Variants in BRINP3 observed in about 807,000 individuals in gnomAD.
The protein encoded by BRINP3 is BMP/retinoic acid-inducible neural-specific protein 3.
Under a neutral mutation model 71.0 loss-of-function variants are expected in BRINP3, and 19 were observed. That is an observed-to-expected ratio of 0.27 (90% CI 0.19 to 0.39). The LOEUF is 0.39. Ranked by LOEUF, BRINP3 falls within the 10% of genes least tolerant of loss-of-function variation. The pLI is 1.00. For synonymous variants in BRINP3, 380 were observed against 337.7 expected, an observed-to-expected ratio of 1.13 and a Z score of -1.37; for missense variants, 959 against 940.8, an observed-to-expected ratio of 1.02 and a Z score of -0.25.
At chr1:190,116,894 G>A (rs1653181864) in intron 7 of BRINP3, among the ~76,000 whole-genome samples, 1 of 151,944 alleles carries the variant, frequency 6.6e-6, no homozygotes, top group South Asian at 2.1e-4. Context: ...TTACATCACT[G>A]TCAAATACAG....
intron 2 of BRINP3, among the ~76,000 whole-genome samples, chr1:190,330,184 C>T (rs1666873225): frequency 1.3e-5 from 2 of 151,882 alleles, no homozygotes; most frequent in African/African-American, 2.4e-5. Flanking sequence ...AAACGATCAA[C>T]AGAATAAATA....
At chr1:190,409,998 T>G (rs1672559332) in intron 2 of BRINP3, among the ~76,000 whole-genome samples, 1 of 152,142 alleles carries the variant, frequency 6.6e-6, no homozygotes, top group African/African-American at 2.4e-5. Flanking sequence ...CTTTTTTTAT[T>G]TCTTTTTCCT....
intron 6 of BRINP3, among the ~76,000 whole-genome samples, chr1:190,206,012 A>G (rs1252923921): frequency 3.3e-5 from 5 of 152,046 alleles, no homozygotes. Flanking sequence ...GAATGTTACC[A>G]GGCTTAAAAA....
intron 2 of BRINP3, among the ~76,000 whole-genome samples, chr1:190,434,038 A>G (rs1674285146): frequency 6.6e-6 from 1 of 152,216 alleles, no homozygotes; most frequent in African/African-American, 2.4e-5. Context: ...TAATATTGAC[A>G]GAGTAAAATA....
intron 7 of BRINP3, among the ~76,000 whole-genome samples, chr1:190,128,560 A>G (rs1654273732): frequency 6.6e-6 from 1 of 151,752 alleles, no homozygotes; most frequent in South Asian, 2.1e-4. Flanking sequence ...TTGATCTAGA[A>G]TTTAATTTCT....
At chr1:190,404,509 T>C (rs960334242) in intron 2 of BRINP3, among the ~76,000 whole-genome samples, 1 of 152,162 alleles carries the variant, frequency 6.6e-6, no homozygotes, top group Non-Finnish European at 1.5e-5. Flanking sequence ...CCTAAAAGTG[T>C]TTTAATATTT....
At chr1:190,361,651 C>G (rs888112789) in intron 2 of BRINP3, among the ~76,000 whole-genome samples, 24 of 152,092 alleles carry the variant, frequency 1.6e-4, no homozygotes, top group Non-Finnish European at 1.5e-5. Flanking sequence ...ATCCGCCCAC[C>G]TTGGCCTCCC....
At chr1:190,130,955 C>A (rs1654491968) in intron 7 of BRINP3, among the ~76,000 whole-genome samples, 1 of 151,890 alleles carries the variant, frequency 6.6e-6, no homozygotes, top group African/African-American at 2.4e-5. Context: ...CAAGTTCTCA[C>A]ACCAGTATAA....
chr1:190,281,598 T>C lies in BRINP3; in HGVS notation c.389A>G (p.Lys130Arg). 1 of 1,612,704 alleles carries C rather than the reference T, an allele frequency of 6.2e-7. No homozygotes were observed. Among genetic ancestry groups the C allele is most frequent in the African/African-American group, 1.3e-5 (1 of 74,902 alleles). ...LQQITENLIK[K>R]YGTHFLLSAT... ...AGATAGCAAGAAATGTGTCCCATAT[T>C]TCTTGATAAGGTTTTCTGTGATTTG... The change falls in exon 3 of 8, where the codon AAA (lysine) becomes AGA (arginine). Residue 130 changes from lysine to arginine, a missense_variant. Coordinates refer to ENST00000367462, the MANE Select transcript of BRINP3 (RefSeq NM_199051.3).
chr1:190,196,004 A>G (rs1654445683), intron 6 of BRINP3, among the ~76,000 whole-genome samples: 1 of 152,096 alleles, frequency 6.6e-6, no homozygotes, highest in South Asian at 2.1e-4. Flanking sequence ...AGTTGTTCAA[A>G]TGTTGTAAGC....
intron 2 of BRINP3, among the ~76,000 whole-genome samples, chr1:190,360,169 A>T (rs1669043691): frequency 1.3e-5 from 2 of 152,192 alleles, no homozygotes; most frequent in Non-Finnish European, 2.9e-5. Flanking sequence ...ACAGATACAA[A>T]GTAATCGATG....
intron 4 of BRINP3, among the ~76,000 whole-genome samples, chr1:190,246,037 T>C (rs1446741722): frequency 2.0e-5 from 3 of 152,010 alleles, no homozygotes; most frequent in Admixed American, 2.0e-4. Context: ...AAGTCTTTGC[T>C]ATTGTGAATA....
At chr1:190,471,778 C>A (rs1677154377) in intron 1 of BRINP3, among the ~76,000 whole-genome samples, 1 of 151,296 alleles carries the variant, frequency 6.6e-6, no homozygotes, top group Admixed American at 6.6e-5. Context: ...TATTAAATAA[C>A]AATGAGAAAC....
Position 190,145,477 on chromosome 1 carries a change from G to A in BRINP3, c.1184+15191C>T, listed in dbSNP as rs539728952. Among the ~76,000 whole-genome samples the A allele has an allele frequency of 2.1e-4, 32 of 152,140 alleles. No individual in the cohort carries two copies. In the South Asian group the frequency reaches 6.6e-3, roughly 32 times the overall value. Reference sequence around the variant, plus strand: ...TCTTTAGAGTCTGAAATTTCCCTTTGAATTTTCTTTGAACAAAGGATTAAG... The same window carrying A: ...TCTTTAGAGTCTGAAATTTCCCTTTAAATTTTCTTTGAACAAAGGATTAAG... On this transcript the variant is annotated intron_variant, in intron 7 of 7. Transcript: ENST00000367462.
intron 6 of BRINP3, among the ~76,000 whole-genome samples, chr1:190,184,212 A>C (rs574631119): frequency 6.6e-6 from 1 of 152,290 alleles, no homozygotes; most frequent in Admixed American, 6.5e-5. Context: ...AATAGTTTTT[A>C]GCTAAAATTC....
intron 2 of BRINP3, among the ~76,000 whole-genome samples, chr1:190,402,478 G>A (rs190132535): frequency 8.8e-4 from 134 of 152,098 alleles, no homozygotes; most frequent in African/African-American, 3.2e-3. Context: ...ATTCTATCAG[G>A]CTGTCTGTTA....
intron 7 of BRINP3, among the ~76,000 whole-genome samples, chr1:190,135,276 C>T (rs1194496635): frequency 2.0e-5 from 3 of 152,048 alleles, no homozygotes; most frequent in African/African-American, 7.2e-5. Flanking sequence ...TAATGGTATA[C>T]ACATTGTTAA....
intron 2 of BRINP3, among the ~76,000 whole-genome samples, chr1:190,441,165 A>G (rs555586507): frequency 6.6e-5 from 10 of 152,072 alleles, no homozygotes; most frequent in African/African-American, 2.4e-4. Context: ...CTAGAAATTA[A>G]TACAGATCCA....
At chr1:190,463,534 T>C (rs970593516) in intron 1 of BRINP3, among the ~76,000 whole-genome samples, 1 of 151,810 alleles carries the variant, frequency 6.6e-6, no homozygotes, top group Admixed American at 6.6e-5. Flanking sequence ...CAGTCAATAC[T>C]CAGGTATTAT....
Sources: gnomAD v4.1 joint callset for allele counts (sites outside exome capture counted in the v4.1 genomes callset) on GRCh38, gnomAD v4.1.1 for gene constraint, MANE v1.5 for transcripts, NCBI Gene and HGNC (gene_info 2026-07-23, HGNC 2026-07-21) for gene names.